CWC27: variants seen among roughly 807,000 people sequenced by gnomAD.
CWC27 encodes CWC27 spliceosome associated cyclophilin.
A neutral mutation model predicts 63.6 loss-of-function variants in CWC27; 47 were observed. That is an observed-to-expected ratio of 0.74 (90% CI 0.58 to 0.94). CWC27 has a LOEUF of 0.94. Ranked by LOEUF, CWC27 falls within the 40% of genes least tolerant of loss-of-function variation. The pLI, the probability that CWC27 is intolerant of heterozygous loss-of-function variation, is 0.00. For synonymous variants in CWC27, 175 were observed against 179.8 expected (o/e 0.97, Z 0.22); for missense variants, 495 against 554.3 (o/e 0.89, Z 1.07).
intron 7 of CWC27, among the ~76,000 whole-genome samples, chr5:64,796,848 C>A (rs893641685): frequency 4.1e-5 from 4 of 98,754 alleles, no homozygotes; most frequent in African/African-American, 1.7e-4. Context: ...TTCTTCCCTC[C>A]CTCCCTCCCT....
At chr5:64,810,103 C>T (rs11740838) in intron 10 of CWC27, among the ~76,000 whole-genome samples, 61,038 of 151,836 alleles carry the variant, frequency 0.4, 13,586 homozygotes, top group African/African-American at 0.59. Context: ...TCCAATTTCA[C>T]TCTTCTGCAG....
intron 10 of CWC27, among the ~76,000 whole-genome samples, chr5:64,884,664 A>G (rs1747023778): frequency 6.6e-6 from 1 of 152,170 alleles, no homozygotes; most frequent in Non-Finnish European, 1.5e-5. Flanking sequence ...TTCATAGATA[A>G]TATATGCACA....
At chr5:64,921,237 G>A (rs187734344) in intron 11 of CWC27, among the ~76,000 whole-genome samples, 16 of 152,208 alleles carry the variant, frequency 1.1e-4, no homozygotes, top group Non-Finnish European at 2.1e-4. Flanking sequence ...CCATGTAAGT[G>A]TATGGTTTTG....
At chr5:65,013,892 T>TCTAATA (rs1750006544) in intron 13 of CWC27, among the ~76,000 whole-genome samples, 1 of 152,172 alleles carries the variant, frequency 6.6e-6, no homozygotes, top group Non-Finnish European at 1.5e-5. Flanking sequence ...ATTGCTAATG[T>TCTAATA]TGGAATTCTA....
chr5:65,010,936 G>C (rs1422179278), intron 13 of CWC27, among the ~76,000 whole-genome samples: 1 of 152,192 alleles, frequency 6.6e-6, no homozygotes, highest in Non-Finnish European at 1.5e-5. Flanking sequence ...CAGAACTCTA[G>C]TCAAAGGTTT....
At chr5:64,901,128 G>A (rs549006898) in intron 11 of CWC27, among the ~76,000 whole-genome samples, 1 of 152,072 alleles carries the variant, frequency 6.6e-6, no homozygotes, top group Admixed American at 6.5e-5. Context: ...TTGTTCCTAG[G>A]CTATAATCCT....
At chr5:64,859,563 G>A (rs12188028) in intron 10 of CWC27, among the ~76,000 whole-genome samples, 55,275 of 151,920 alleles carry the variant, frequency 0.36, 10,643 homozygotes, top group East Asian at 0.51. Context: ...CCAAAGCTAG[G>A]CAAACACAGT....
At chr5:64,887,773 T>G in intron 11 of CWC27, among the ~76,000 whole-genome samples, 1 of 152,174 alleles carries the variant, frequency 6.6e-6, no homozygotes, top group East Asian at 1.9e-4. Flanking sequence ...AAATCACACA[T>G]TTTTCATAAT....
chr5:64,792,530 A>C (rs955867332), intron 7 of CWC27, among the ~76,000 whole-genome samples: 3 of 152,144 alleles, frequency 2.0e-5, no homozygotes, highest in Non-Finnish European at 2.9e-5. Context: ...TCCAGCTTTT[A>C]AAAATCTTTT....
chr5:64,849,706 G>A (rs993894037), intron 10 of CWC27, among the ~76,000 whole-genome samples: 1 of 152,160 alleles, frequency 6.6e-6, no homozygotes, highest in African/African-American at 2.4e-5. Flanking sequence ...GACCTGGTGG[G>A]GGGGTGATAG....
intron 11 of CWC27, among the ~76,000 whole-genome samples, chr5:64,970,748 T>C (rs1357497379): frequency 6.6e-6 from 1 of 152,166 alleles, no homozygotes; most frequent in Non-Finnish European, 1.5e-5. Flanking sequence ...AGATAACTTG[T>C]TTCTTAGTTC....
At chr5:64,981,482 T>C (rs979174352) in intron 13 of CWC27, among the ~76,000 whole-genome samples, 2 of 152,232 alleles carry the variant, frequency 1.3e-5, no homozygotes, top group Non-Finnish European at 2.9e-5. Flanking sequence ...TATTTGACCA[T>C]GTTGTTGGAT....
chr5:64,888,295 T>C (rs1747124543), intron 11 of CWC27, among the ~76,000 whole-genome samples: 1 of 147,592 alleles, frequency 6.8e-6, no homozygotes, highest in Admixed American at 6.8e-5. Flanking sequence ...ATAATATAGT[T>C]AATATAATTA....
At chr5:64,866,517 C>CT (rs1239414500) in intron 10 of CWC27, among the ~76,000 whole-genome samples, 1 of 152,018 alleles carries the variant, frequency 6.6e-6, no homozygotes, top group Non-Finnish European at 1.5e-5. Flanking sequence ...AATCCTTCTT[C>CT]TTTTTTAACA....
intron 11 of CWC27, among the ~76,000 whole-genome samples, chr5:64,892,385 T>A (rs1349022184): frequency 1.3e-5 from 2 of 152,158 alleles, no homozygotes; most frequent in African/African-American, 4.8e-5. Flanking sequence ...GCTGTATTTC[T>A]TACATTATAA....
intron 9 of CWC27, among the ~76,000 whole-genome samples, chr5:64,802,466 A>G (rs1298168699): frequency 6.6e-6 from 1 of 152,152 alleles, no homozygotes; most frequent in Non-Finnish European, 1.5e-5. Flanking sequence ...AAAAAGAAGG[A>G]TGCTATGATC....
chr5:64,972,779 G>A (rs1749150534), intron 12 of CWC27: 1 of 417,074 alleles, frequency 2.4e-6, no homozygotes, highest in Non-Finnish European at 4.7e-6. Flanking sequence ...CCATTCCCTT[G>A]TAGCAAATAA....
At chr5:64,792,452 C>T (rs1416672459) in intron 7 of CWC27, among the ~76,000 whole-genome samples, 1 of 152,150 alleles carries the variant, frequency 6.6e-6, no homozygotes, top group Non-Finnish European at 1.5e-5. Context: ...AATGTCCCAT[C>T]ACACCTCTGG....
At chr5:64,910,969 A>G (rs1035003303) in intron 11 of CWC27, among the ~76,000 whole-genome samples, 2 of 152,162 alleles carry the variant, frequency 1.3e-5, no homozygotes, top group African/African-American at 2.4e-5. Context: ...CCATTGTCCA[A>G]CCAGTCCCAG....
Sources: allele counts gnomAD v4.1 joint callset (sites outside exome capture counted in the v4.1 genomes callset), GRCh38; gene constraint gnomAD v4.1.1; transcripts MANE v1.5; gene names NCBI Gene and HGNC (gene_info 2026-07-23, HGNC 2026-07-21).